PIK3CA: variants seen among roughly 807,000 people sequenced by gnomAD.
PIK3CA encodes the protein phosphatidylinositol 4,5-bisphosphate 3-kinase catalytic subunit alpha isoform.
PIK3CA carries 27 observed loss-of-function variants against 138.2 expected under a neutral mutation model. That is an observed-to-expected ratio of 0.20 (90% CI 0.14 to 0.27). PIK3CA has a LOEUF of 0.27. PIK3CA is among the 10% of genes least tolerant of loss of function. The probability of loss-of-function intolerance (pLI) is 1.00; values close to 1 mark genes in which losing one functional copy is unlikely to be tolerated. For missense variants in PIK3CA, 544 were observed against 1,277.4 expected (o/e 0.43, Z 8.75); for synonymous variants, 358 against 413.2 (o/e 0.87, Z 1.62).
At chr3:179,224,054 C>T (rs2108416565) in intron 14 of PIK3CA, 27 bp from the exon 15 acceptor site, 2 of 1,262,990 alleles carry the variant, frequency 1.6e-6, no homozygotes, top group Non-Finnish European at 2.3e-6. Flanking sequence ...CAGTTTCTTA[C>T]TGTGACTATC....
At chr3:179,224,228 C>T (rs2108417134) in intron 15 of PIK3CA, 41 bp downstream of exon 15, 8 of 945,358 alleles carry the variant, frequency 8.5e-6, no homozygotes, top group South Asian at 3.1e-5. Flanking sequence ...TAAATAAATA[C>T]CTTTTCTGGA....
chr3:179,231,399 A>G (rs1725207715), intron 20 of PIK3CA, among the ~76,000 whole-genome samples: 1 of 152,040 alleles, frequency 6.6e-6, no homozygotes, highest in Non-Finnish European at 1.5e-5. Context: ...AGGCTGTACT[A>G]ATTTACATTC....
Position 179,220,361 on chromosome 3 carries a change from T to G in PIK3CA, c.2015+309T>G, listed in dbSNP as rs376169438. On this transcript the variant is annotated intron_variant, in intron 13 of 20. Transcript: ENST00000263967. This position sits in a 1 kb window ranked among gnomAD's most constrained non-coding sequence, Gnocchi z 4.1. ...CTGTAGGTTTCACTGTGTGTATGGA[T>G]TACAATATCCCCAAACAAAGAAAAA... 5.9e-5 allele frequency among the ~76,000 whole-genome samples: 9 copies of G among 152,260 alleles called. No homozygotes were observed. The highest frequency in any genetic ancestry group is 1.9e-4 in the African/African-American group (8 of 41,584).
chr3:179,181,581 C>A lies in PIK3CA; in HGVS notation c.-76-17169C>A, dbSNP rs552618943. Among the ~76,000 whole-genome samples the A allele has an allele frequency of 1.1e-4, 17 of 152,066 alleles. No individual in the cohort carries two copies. In the South Asian group the frequency reaches 2.3e-3, roughly 20 times the overall value. On this transcript the variant is annotated intron_variant, in intron 1 of 20. Transcript: ENST00000263967. ...TGTGAATTATGCAATAGAAATAGGA[C>A]CCATAATTTTATTTTTTTAATACTT...
chr3:179,160,707 A>G (rs561711791), intron 1 of PIK3CA, among the ~76,000 whole-genome samples: 1 of 152,336 alleles, frequency 6.6e-6, no homozygotes, highest in South Asian at 2.1e-4. Flanking sequence ...AGATTGCTAT[A>G]TGTGCATTAT....
At chr3:179,168,920 C>T (rs1483708751) in intron 1 of PIK3CA, among the ~76,000 whole-genome samples, 1 of 150,984 alleles carries the variant, frequency 6.6e-6, no homozygotes, top group Non-Finnish European at 1.5e-5. Context: ...GGTTTTTTTT[C>T]CTTTTGTCTG....
chr3:179,187,872 T>A (rs929728986), intron 1 of PIK3CA, among the ~76,000 whole-genome samples: 14 of 151,954 alleles, frequency 9.2e-5, no homozygotes, highest in Non-Finnish European at 2.9e-5. Context: ...CTCCTGACCT[T>A]GTGATCCGCC....
At chr3:179,212,793 GAATTT>G (rs2108403765) in intron 9 of PIK3CA, among the ~76,000 whole-genome samples, 1 of 152,140 alleles carries the variant, frequency 6.6e-6, no homozygotes, top group South Asian at 2.1e-4. Flanking sequence ...TACTGTAAAT[GAATTT>G]TCTCTTCCTT....
Position 179,224,196 on chromosome 3 carries a change from T to A in PIK3CA, c.2294+9T>A, listed in dbSNP as rs2108417049. ...CAACTAGGAAACCTCAGGTACTTTC[T>A]TGGGGGTTTCATTGATATATTTAAA... is the stretch of plus-strand genomic sequence containing the variant. On this transcript the variant is annotated intron_variant, in intron 15 of 20. Transcript: ENST00000263967. 1 of 1,379,732 alleles carries A rather than the reference T, an allele frequency of 7.2e-7. No individual in the cohort carries two copies. Among genetic ancestry groups the A allele is most frequent in the Non-Finnish European group, 1.0e-6 (1 of 983,116 alleles). The allele number at this position is 1,379,732 out of a possible 1,614,324, so 85.5% of individuals were successfully genotyped here.
intron 6 of PIK3CA, among the ~76,000 whole-genome samples, chr3:179,207,450 A>G (rs1334385255): frequency 6.6e-6 from 1 of 152,188 alleles, no homozygotes; most frequent in South Asian, 2.1e-4. Flanking sequence ...GCTCTCTTAG[A>G]GTATAGAACA....
intron 1 of PIK3CA, among the ~76,000 whole-genome samples, chr3:179,149,891 C>A (rs752731253): frequency 4.6e-5 from 7 of 152,148 alleles, no homozygotes; most frequent in Non-Finnish European, 8.8e-5. Flanking sequence ...AAGAAAACTT[C>A]TGGAAAATAC....
chr3:179,229,823 G>A (rs1163215819), intron 18 of PIK3CA, among the ~76,000 whole-genome samples, 181 bp from the exon 19 acceptor site: 1 of 152,116 alleles, frequency 6.6e-6, no homozygotes, highest in Non-Finnish European at 1.5e-5. Context: ...GGAACATCTG[G>A]AAATTTCCTT....
Position 179,161,054 on chromosome 3 carries a change from A to G in PIK3CA, c.-77+12451A>G, listed in dbSNP as rs371251289. 3.3e-5 allele frequency among the ~76,000 whole-genome samples: 5 copies of G among 152,302 alleles called. No homozygotes were observed. In the South Asian group the frequency reaches 1.0e-3, roughly 32 times the overall value. ...TTCTTCCTCGGTGTAAGAGAGATCAAGTCTTCTTGGCTCAGTAGCAATGTC... is the reference window on the plus strand; with the variant it reads ...TTCTTCCTCGGTGTAAGAGAGATCAGGTCTTCTTGGCTCAGTAGCAATGTC... On this transcript the variant is annotated intron_variant, in intron 1 of 20. Coordinates refer to ENST00000263967, the MANE Select transcript of PIK3CA (RefSeq NM_006218.4).
At chr3:179,199,974 CTT>C (rs762831149) in intron 3 of PIK3CA, 75 bp downstream of exon 3, 2,346 of 675,774 alleles carry the variant, frequency 3.5e-3, no homozygotes, top group South Asian at 6.9e-3. Context: ...TTTGTATAGT[CTT>C]TTTTTTTTTT....
chr3:179,199,270 G>A lies in PIK3CA; in HGVS notation c.352+93G>A, dbSNP rs555424487. The A allele has an allele frequency of 7.2e-5, 53 of 738,728 alleles. 1 individual carries two copies. In the East Asian group the frequency reaches 1.3e-3, roughly 19 times the overall value. The allele number at this position is 738,728 out of a possible 1,614,324, so 45.8% of individuals were successfully genotyped here. A position where few individuals can be genotyped will look rare whatever the true frequency, so the allele number is the denominator to read the frequency against. On this transcript the variant is annotated intron_variant, in intron 2 of 20. Transcript: ENST00000263967. ...TATTTCTGTCTAAACCAATACCTTCGTAATCTTAAATAGCTTTCTAAATAA... is the reference window on the plus strand; with the variant it reads ...TATTTCTGTCTAAACCAATACCTTCATAATCTTAAATAGCTTTCTAAATAA...
intron 1 of PIK3CA, among the ~76,000 whole-genome samples, chr3:179,151,297 C>G (rs1252960044): frequency 6.6e-6 from 1 of 152,132 alleles, no homozygotes; most frequent in Non-Finnish European, 1.5e-5. Context: ...TTGACAAAAC[C>G]AACATTTTCC....
chr3:179,201,796 A>G (rs936273258), intron 4 of PIK3CA, among the ~76,000 whole-genome samples: 21 of 151,690 alleles, frequency 1.4e-4, no homozygotes, highest in African/African-American at 4.6e-4. Context: ...TAGTAGAGAC[A>G]GGTTTTGCAC....
At chr3:179,193,014 C>A (rs1319749418) in intron 1 of PIK3CA, among the ~76,000 whole-genome samples, 1 of 152,174 alleles carries the variant, frequency 6.6e-6, no homozygotes, top group Non-Finnish European at 1.5e-5. Flanking sequence ...GAATCTGATA[C>A]TGTTTTTTAC....
chr3:179,154,668 C>T (rs1259271333), intron 1 of PIK3CA, among the ~76,000 whole-genome samples: 3 of 152,062 alleles, frequency 2.0e-5, no homozygotes, highest in Non-Finnish European at 4.4e-5. Context: ...GTGTTGCTTG[C>T]TAAGTAACAT....
Sources: allele counts gnomAD v4.1 joint callset (sites outside exome capture counted in the v4.1 genomes callset), GRCh38; gene constraint gnomAD v4.1.1; non-coding constraint Gnocchi (gnomAD v3.1); transcripts MANE v1.5; gene names NCBI Gene and HGNC (gene_info 2026-07-23, HGNC 2026-07-21).